Variants in LRRTM4 observed in about 807,000 individuals in gnomAD.
The protein encoded by LRRTM4 is leucine-rich repeat transmembrane neuronal protein 4.
Under a neutral mutation model 47.6 loss-of-function variants are expected in LRRTM4, and 25 were observed. The ratio of observed to expected loss-of-function variants is 0.53; its 90% CI spans 0.38 to 0.73. LRRTM4 has a LOEUF of 0.73. Ranked by LOEUF, LRRTM4 falls within the 30% of genes least tolerant of loss-of-function variation. The pLI, the probability that LRRTM4 is intolerant of heterozygous loss-of-function variation, is 0.00. For missense variants in LRRTM4, 638 were observed against 713.4 expected (o/e 0.89, Z 1.20); for synonymous variants, 311 against 269.5 (o/e 1.15, Z -1.51).
chr2:77,495,792 T>G (rs1451487720), intron 3 of LRRTM4, among the ~76,000 whole-genome samples: 1 of 152,054 alleles, frequency 6.6e-6, no homozygotes, highest in African/African-American at 2.4e-5. Context: ...TTGTAAGTCT[T>G]GAAATAAGAT....
At chr2:77,199,182 A>G (rs71420991) in intron 3 of LRRTM4, among the ~76,000 whole-genome samples, 6,651 of 152,282 alleles carry the variant, frequency 0.044, 192 homozygotes, top group Non-Finnish European at 0.07. Flanking sequence ...TAGCTAAAAC[A>G]CAGACTTCAA....
chr2:76,853,346 C>T (rs1013129857), intron 3 of LRRTM4, among the ~76,000 whole-genome samples: 6 of 151,978 alleles, frequency 3.9e-5, no homozygotes, highest in Non-Finnish European at 5.9e-5. Flanking sequence ...ATTGTTTTTC[C>T]TTTCTTTTTC....
intron 3 of LRRTM4, among the ~76,000 whole-genome samples, chr2:76,843,546 C>T (rs978431687): frequency 6.6e-6 from 1 of 152,166 alleles, no homozygotes; most frequent in Non-Finnish European, 1.5e-5. Flanking sequence ...TCAATGATAA[C>T]TGAATATTTC....
In LRRTM4 at chr2:76,843,124, A is replaced by G. The variant is rs78082298; in HGVS notation, c.1552-94208T>C. Among the ~76,000 whole-genome samples, 23 of 152,304 alleles carry G rather than the reference A, an allele frequency of 1.5e-4. No homozygotes were observed. In the East Asian group the frequency reaches 4.3e-3, roughly 28 times the overall value. On this transcript the variant is annotated intron_variant, in intron 3 of 3. Transcript: ENST00000409884. ...TACATTTCCAAGTGACAAACAGTTGATAGCCATCCTCTTTTTTGCATGGTT... is the reference window on the plus strand; with the variant it reads ...TACATTTCCAAGTGACAAACAGTTGGTAGCCATCCTCTTTTTTGCATGGTT...
chr2:77,322,732 C>T (rs991425094), intron 3 of LRRTM4, among the ~76,000 whole-genome samples: 2 of 150,396 alleles, frequency 1.3e-5, no homozygotes, highest in African/African-American at 4.9e-5. Context: ...GATATATCTA[C>T]AGTTCACACA....
intron 3 of LRRTM4, among the ~76,000 whole-genome samples, chr2:76,965,617 C>A (rs548441328): frequency 2.4e-4 from 36 of 151,198 alleles, no homozygotes; most frequent in African/African-American, 7.5e-4. Flanking sequence ...TTAAAAAAAA[C>A]AGTATTCAAA....
At chr2:77,031,463 A>G (rs1455901425) in intron 3 of LRRTM4, among the ~76,000 whole-genome samples, 1 of 152,082 alleles carries the variant, frequency 6.6e-6, no homozygotes, top group Non-Finnish European at 1.5e-5. Flanking sequence ...TTTATTAGTT[A>G]TTTCCTAATT....
intron 3 of LRRTM4, among the ~76,000 whole-genome samples, chr2:77,386,684 T>C (rs1421870017): frequency 6.6e-6 from 1 of 152,034 alleles, no homozygotes; most frequent in Non-Finnish European, 1.5e-5. Flanking sequence ...CACACTGTCT[T>C]CCACAGAAAA....
At chr2:77,351,477 C>T (rs1351816785) in intron 3 of LRRTM4, among the ~76,000 whole-genome samples, 1 of 151,678 alleles carries the variant, frequency 6.6e-6, no homozygotes, top group Non-Finnish European at 1.5e-5. Flanking sequence ...AGTTGAAAAC[C>T]TTATGATACA....
At chr2:77,351,575 G>C (rs1466115227) in intron 3 of LRRTM4, among the ~76,000 whole-genome samples, 3 of 148,882 alleles carry the variant, frequency 2.0e-5, no homozygotes, top group African/African-American at 5.0e-5. Flanking sequence ...GAATTTTAAA[G>C]AGCAAAAATT....
intron 3 of LRRTM4, among the ~76,000 whole-genome samples, chr2:77,476,947 T>A (rs1047934491): frequency 2.0e-5 from 3 of 148,728 alleles, no homozygotes; most frequent in East Asian, 2.0e-4. Context: ...GAATTATGTA[T>A]AATAAATTTG....
chr2:76,895,571 T>C (rs952620232), intron 3 of LRRTM4, among the ~76,000 whole-genome samples: 3 of 152,088 alleles, frequency 2.0e-5, no homozygotes, highest in East Asian at 3.9e-4. Flanking sequence ...GCCAGACTGC[T>C]AGAGATTTAA....
chr2:77,350,986 T>C (rs1671746225), intron 3 of LRRTM4, among the ~76,000 whole-genome samples: 1 of 152,130 alleles, frequency 6.6e-6, no homozygotes, highest in Admixed American at 6.6e-5. Flanking sequence ...ATGCATGTCA[T>C]GGGGGTTTCT....
intron 3 of LRRTM4, among the ~76,000 whole-genome samples, chr2:76,845,192 TAAG>T (rs1485842494): frequency 2.6e-5 from 4 of 151,960 alleles, no homozygotes; most frequent in African/African-American, 2.4e-5. Context: ...TAACAATAAA[TAAG>T]AAAGTAAAAG....
At chr2:77,282,109 T>C (rs980496942) in intron 3 of LRRTM4, among the ~76,000 whole-genome samples, 3 of 151,960 alleles carry the variant, frequency 2.0e-5, no homozygotes, top group Admixed American at 6.6e-5. Flanking sequence ...TCATATGTTA[T>C]TTCTTTTAAG....
chr2:77,428,196 G>C (rs911296943), intron 3 of LRRTM4, among the ~76,000 whole-genome samples: 1 of 152,180 alleles, frequency 6.6e-6, no homozygotes, highest in African/African-American at 2.4e-5. Context: ...GGAACTGTGA[G>C]TCAATTAAAC....
intron 3 of LRRTM4, among the ~76,000 whole-genome samples, chr2:76,905,698 T>G (rs1471093741): frequency 1.4e-5 from 2 of 146,286 alleles, no homozygotes; most frequent in African/African-American, 2.5e-5. Flanking sequence ...ACGTGAAGAA[T>G]GCAGAAGCCT....
At position 77,085,111 on chromosome 2, in the gene LRRTM4, A is replaced by G. The variant is rs72927338; in HGVS notation, c.1552-336195T>C. Among the ~76,000 whole-genome samples the G allele has an allele frequency of 3.9e-3, 601 of 152,254 alleles. 1 individual carries two copies. Among genetic ancestry groups the G allele is most frequent in the African/African-American group, 0.014 (582 of 41,578 alleles). Reference sequence around the variant, plus strand: ...CTATTGCTGGAAAAGAAATATTTTTATGTGTTAAATGGGCTAGTTTTAGAA... The same window carrying G: ...CTATTGCTGGAAAAGAAATATTTTTGTGTGTTAAATGGGCTAGTTTTAGAA... On this transcript the variant is annotated intron_variant, in intron 3 of 3. Coordinates refer to ENST00000409884, the MANE Select transcript of LRRTM4 (RefSeq NM_001134745.3).
At chr2:77,061,658 T>C (rs1408113695) in intron 3 of LRRTM4, among the ~76,000 whole-genome samples, 1 of 152,176 alleles carries the variant, frequency 6.6e-6, no homozygotes, top group East Asian at 1.9e-4. Flanking sequence ...TGTTCATATA[T>C]ACATATATAT....
Sources: gnomAD v4.1 joint callset for allele counts (sites outside exome capture counted in the v4.1 genomes callset) on GRCh38, gnomAD v4.1.1 for gene constraint, MANE v1.5 for transcripts, NCBI Gene and HGNC (gene_info 2026-07-23, HGNC 2026-07-21) for gene names.